The following ULK4 variants were observed in gnomAD, a reference collection of about 807,000 sequenced individuals.
The protein encoded by ULK4 is unc-51 like kinase 4, also known as inactive serine/threonine-protein kinase ULK4.
A neutral mutation model predicts 160.6 loss-of-function variants in ULK4; 133 were observed. The ratio of observed to expected loss-of-function variants is 0.83; its 90% CI spans 0.72 to 0.96. The LOEUF (loss-of-function observed/expected upper bound fraction) is 0.96, where lower values mean the gene tolerates loss of function less well. Among genes scored for constraint, ULK4 ranks in the 40% least tolerant of loss-of-function variants. The pLI is 0.00. For synonymous variants in ULK4, 534 were observed against 539.8 expected (o/e 0.99, Z 0.15); for missense variants, 1,580 against 1,499.5 (o/e 1.05, Z -0.89).
intron 21 of ULK4, among the ~76,000 whole-genome samples, chr3:41,754,905 A>T (rs2038747086): frequency 6.6e-6 from 1 of 152,192 alleles, no homozygotes; most frequent in Non-Finnish European, 1.5e-5. Context: ...CTGCATATAG[A>T]GAGATCATAC....
In ULK4 at chr3:41,817,070, G is replaced by A. The variant is rs568998932; in HGVS notation, c.1848+2353C>T. ...TCACTCAGTGATGTGGGGAAACTGT[G>A]TGTGTGTGTGTGTGTGTGTGTACTC... On this transcript the variant is annotated intron_variant, in intron 19 of 36. Coordinates refer to ENST00000301831, the MANE Select transcript of ULK4 (RefSeq NM_017886.4). Among the ~76,000 whole-genome samples the A allele has an allele frequency of 1.8e-3, 273 of 150,602 alleles. 1 individual carries two copies. The highest frequency in any genetic ancestry group is 3.5e-3 in the Non-Finnish European group (239 of 67,438).
chr3:41,433,519 GAAC>G (rs1173848929), intron 34 of ULK4, among the ~76,000 whole-genome samples: 1 of 152,030 alleles, frequency 6.6e-6, no homozygotes, highest in African/African-American at 2.4e-5. Context: ...ATAGTATGTT[GAAC>G]AAAAATTTTC....
chr3:41,721,255 A>ATTTTTTTTTTTTTTT (rs67078042), intron 22 of ULK4, among the ~76,000 whole-genome samples: 3 of 45,044 alleles, frequency 6.7e-5, no homozygotes, highest in African/African-American at 1.0e-4. Flanking sequence ...TTCGCTTTGA[A>ATTTTTTTTTTTTTTT]TTTTTTTTTT....
chr3:41,631,473 A>G (rs751710448), intron 30 of ULK4, among the ~76,000 whole-genome samples: 6 of 152,222 alleles, frequency 3.9e-5, no homozygotes, highest in Non-Finnish European at 8.8e-5. Context: ...TACTAGTAAT[A>G]TATCTCTGAT....
chr3:41,480,206 C>CAAAAAA (rs60805184), intron 32 of ULK4, among the ~76,000 whole-genome samples: 5 of 97,152 alleles, frequency 5.1e-5, no homozygotes, highest in Non-Finnish European at 6.2e-5. Flanking sequence ...GACTCCGTAT[C>CAAAAAA]AAAAAAAAAA....
Position 41,763,813 on chromosome 3 carries a change from C to T in ULK4, c.2194-9325G>A, listed in dbSNP as rs1158595697. ...CAAAGTGGTTGTACCAATTTACTGT[C>T]CATCAATATATGAAAGCTTCAGTTG... On this transcript the variant is annotated intron_variant, in intron 21 of 36. Transcript: ENST00000301831. Among the ~76,000 whole-genome samples the T allele has an allele frequency of 2.0e-5, 3 of 152,216 alleles. No individual in the cohort carries two copies. The East Asian group carries it at 5.8e-4, about 29-fold the overall frequency.
At chr3:41,520,326 C>T (rs11129909) in intron 32 of ULK4, among the ~76,000 whole-genome samples, 79,130 of 151,634 alleles carry the variant, frequency 0.52, 22,006 homozygotes, top group Admixed American at 0.65. Context: ...TTCTTCTGTG[C>T]CTGGCTTCTT....
intron 31 of ULK4, among the ~76,000 whole-genome samples, chr3:41,584,606 G>C (rs2030650922): frequency 6.6e-6 from 1 of 152,072 alleles, no homozygotes; most frequent in Non-Finnish European, 1.5e-5. Context: ...CTATTAATAT[G>C]TACATACCAA....
chr3:41,435,287 G>A (rs1278519726), intron 34 of ULK4, among the ~76,000 whole-genome samples: 1 of 152,164 alleles, frequency 6.6e-6, no homozygotes, highest in Non-Finnish European at 1.5e-5. Flanking sequence ...CAAGTCTTTA[G>A]TAATGTTGTT....
intron 32 of ULK4, among the ~76,000 whole-genome samples, chr3:41,494,716 A>G (rs1460698097): frequency 2.0e-5 from 3 of 152,130 alleles, no homozygotes; most frequent in Non-Finnish European, 4.4e-5. Context: ...TAAGCTGATA[A>G]GCAACTTCAG....
At chr3:41,926,536 A>G (rs1716644) in intron 5 of ULK4, among the ~76,000 whole-genome samples, 111,067 of 152,022 alleles carry the variant, frequency 0.73, 42,207 homozygotes, top group East Asian at 0.83. Context: ...GAGGGTGGGT[A>G]ACAACAACCT....
At chr3:41,698,607 G>C (rs1323548900) in intron 27 of ULK4, among the ~76,000 whole-genome samples, 1 of 152,126 alleles carries the variant, frequency 6.6e-6, no homozygotes, top group Non-Finnish European at 1.5e-5. Flanking sequence ...TTTCAGATAA[G>C]GGATAATCAA....
chr3:41,936,101 G>A lies in ULK4; in HGVS notation c.239-161C>T, dbSNP rs564803455. On this transcript the variant is annotated intron_variant, in intron 3 of 36. Coordinates refer to ENST00000301831, the MANE Select transcript of ULK4 (RefSeq NM_017886.4). The stretch of plus-strand genomic sequence containing the variant: ...CACATGTGAGTAAATACAGTGGCCC[G>A]AGCACTGCAACAGAAGTCTATGCCC... 1.8e-4 allele frequency among the ~76,000 whole-genome samples: 28 copies of A among 152,264 alleles called. No individual in the cohort carries two copies. The South Asian group carries it at 2.3e-3, about 12-fold the overall frequency.
chr3:41,543,288 G>A (rs1691961), intron 32 of ULK4, among the ~76,000 whole-genome samples: 68,292 of 151,794 alleles, frequency 0.45, 16,051 homozygotes, highest in Middle Eastern at 0.54. Context: ...AGATTGAAAG[G>A]AACAATATTC....
At chr3:41,518,720 A>T (rs1268060605) in intron 32 of ULK4, among the ~76,000 whole-genome samples, 1 of 152,182 alleles carries the variant, frequency 6.6e-6, no homozygotes, top group Admixed American at 6.5e-5. Context: ...CACTGGTTCT[A>T]TCAGTTAAGG....
intron 35 of ULK4, among the ~76,000 whole-genome samples, chr3:41,306,862 C>G (rs1478538705): frequency 1.3e-5 from 2 of 151,662 alleles, no homozygotes; most frequent in Admixed American, 1.3e-4. Context: ...ACCCTGTGCT[C>G]TCTGAAACAT....
chr3:41,888,949 G>A (rs998262811), intron 16 of ULK4, among the ~76,000 whole-genome samples: 1 of 152,096 alleles, frequency 6.6e-6, no homozygotes, highest in Admixed American at 6.6e-5. Context: ...GGCTATTGGA[G>A]AAAGAGACTT....
intron 35 of ULK4, among the ~76,000 whole-genome samples, chr3:41,256,321 T>C (rs1244399336): frequency 6.6e-6 from 1 of 152,216 alleles, no homozygotes; most frequent in Non-Finnish European, 1.5e-5. Flanking sequence ...TTAGCCATCA[T>C]ACTACCCAAC....
chr3:41,404,739 A>C (rs1374796293), intron 34 of ULK4, among the ~76,000 whole-genome samples: 3 of 152,190 alleles, frequency 2.0e-5, no homozygotes, highest in Non-Finnish European at 2.9e-5. Flanking sequence ...GCATATGTGC[A>C]TGTGCTCAGG....
Sources: gnomAD v4.1 joint callset for allele counts (sites outside exome capture counted in the v4.1 genomes callset) on GRCh38, gnomAD v4.1.1 for gene constraint, MANE v1.5 for transcripts, NCBI Gene and HGNC (gene_info 2026-07-23, HGNC 2026-07-21) for gene names.